ZNF385D: variants seen among roughly 807,000 people sequenced by gnomAD.
ZNF385D encodes the protein zinc finger protein 385D, also known as zinc finger protein 659.
ZNF385D carries 15 observed loss-of-function variants against 35.8 expected under a neutral mutation model. The ratio of observed to expected loss-of-function variants is 0.42; its 90% CI spans 0.28 to 0.64. The LOEUF is 0.64. Among genes scored for constraint, ZNF385D ranks in the 30% least tolerant of loss-of-function variants. ZNF385D has a pLI of 0.23. For synonymous variants in ZNF385D, 212 were observed against 186.8 expected, an observed-to-expected ratio of 1.13 and a Z score of -1.10; for missense variants, 474 against 494.6, an observed-to-expected ratio of 0.96 and a Z score of 0.39.
chr3:21,547,297 C>T (rs544161451), intron 3 of ZNF385D, among the ~76,000 whole-genome samples: 12 of 152,244 alleles, frequency 7.9e-5, no homozygotes, highest in African/African-American at 2.6e-4. Context: ...TTTAACCAGT[C>T]GGGCTTTTGG....
chr3:22,150,663 A>G (rs1705168239), intron 3 of ZNF385D, among the ~76,000 whole-genome samples: 1 of 152,208 alleles, frequency 6.6e-6, no homozygotes, highest in East Asian at 1.9e-4. Flanking sequence ...TAAGGATAGT[A>G]GTTAAGATAT....
chr3:21,988,067 C>G (rs1206846771), intron 3 of ZNF385D, among the ~76,000 whole-genome samples: 1 of 138,948 alleles, frequency 7.2e-6, no homozygotes, highest in Non-Finnish European at 1.6e-5. Context: ...GTTATACATT[C>G]TTCTAAATTT....
chr3:22,098,290 G>T (rs1340694040), intron 3 of ZNF385D, among the ~76,000 whole-genome samples: 1 of 151,978 alleles, frequency 6.6e-6, no homozygotes. Context: ...TGACTTTATT[G>T]CTCTGGGAAG....
chr3:21,827,668 T>C (rs546803385), intron 3 of ZNF385D, among the ~76,000 whole-genome samples: 1 of 152,318 alleles, frequency 6.6e-6, no homozygotes, highest in Admixed American at 6.5e-5. Flanking sequence ...GGAGTGCCTC[T>C]ATTTTGAAGC....
At chr3:21,694,399 T>C (rs1364304239) in intron 1 of ZNF385D, among the ~76,000 whole-genome samples, 1 of 152,080 alleles carries the variant, frequency 6.6e-6, no homozygotes, top group African/African-American at 2.4e-5. Context: ...CTCACAATTC[T>C]GGTACACACT....
intron 3 of ZNF385D, among the ~76,000 whole-genome samples, chr3:21,513,633 G>A (rs1414617408): frequency 3.9e-5 from 6 of 152,012 alleles, no homozygotes; most frequent in Non-Finnish European, 8.8e-5. Flanking sequence ...GGTTGCAGAC[G>A]ACATCAATAT....
intron 3 of ZNF385D, among the ~76,000 whole-genome samples, chr3:22,157,251 C>T (rs1190884642): frequency 6.6e-6 from 1 of 151,998 alleles, no homozygotes; most frequent in African/African-American, 2.4e-5. Flanking sequence ...ATGACTGTAT[C>T]TAAATCATAA....
chr3:21,992,603 T>C (rs1260307800), intron 3 of ZNF385D, among the ~76,000 whole-genome samples: 1 of 152,192 alleles, frequency 6.6e-6, no homozygotes, highest in Non-Finnish European at 1.5e-5. Context: ...TAGTTTGTGA[T>C]GAAGATATGA....
chr3:21,680,750 A>G (rs754219701), intron 1 of ZNF385D, among the ~76,000 whole-genome samples: 16 of 152,200 alleles, frequency 1.1e-4, no homozygotes, highest in Admixed American at 5.2e-4. Flanking sequence ...AAATCTTGAT[A>G]ACAACTGTTT....
At chr3:22,144,350 G>A (rs1704709259) in intron 3 of ZNF385D, among the ~76,000 whole-genome samples, 1 of 152,072 alleles carries the variant, frequency 6.6e-6, no homozygotes, top group Non-Finnish European at 1.5e-5. Flanking sequence ...AAGGGTGGCA[G>A]ATCACTTGAG....
rs191942718 is a variant in ZNF385D, at chr3:21,845,997, G to A, written c.326-180969C>T. 5.3e-5 allele frequency among the ~76,000 whole-genome samples: 8 copies of A among 151,962 alleles called. No individual in the cohort carries two copies. In the South Asian group the frequency reaches 6.2e-4, roughly 12 times the overall value. ...AAAGCATGCTCACCCTGAGACCTACGCTACACTTCTGAAGGCTGAGGAGCC... is the reference window on the plus strand; with the variant it reads ...AAAGCATGCTCACCCTGAGACCTACACTACACTTCTGAAGGCTGAGGAGCC... On this transcript the variant is annotated intron_variant, in intron 3 of 5. Coordinates refer to the ZNF385D transcript ENST00000494108.
At chr3:21,520,410 T>C (rs1707836157) in intron 3 of ZNF385D, among the ~76,000 whole-genome samples, 1 of 152,222 alleles carries the variant, frequency 6.6e-6, no homozygotes, top group Non-Finnish European at 1.5e-5. Flanking sequence ...CACATTTTGA[T>C]TTTAAAATGG....
chr3:21,577,383 C>A (rs2063524441), intron 2 of ZNF385D, among the ~76,000 whole-genome samples: 1 of 152,134 alleles, frequency 6.6e-6, no homozygotes, highest in African/African-American at 2.4e-5. Context: ...TGTATATATA[C>A]CACATTTTCT....
intron 2 of ZNF385D, among the ~76,000 whole-genome samples, chr3:21,589,777 A>C (rs2063915744): frequency 6.6e-6 from 1 of 152,186 alleles, no homozygotes; most frequent in Non-Finnish European, 1.5e-5. Flanking sequence ...AAAAAAATCA[A>C]AATTACTTTT....
chr3:22,177,106 A>G (rs1372338508), intron 2 of ZNF385D, among the ~76,000 whole-genome samples: 2 of 152,164 alleles, frequency 1.3e-5, no homozygotes, highest in African/African-American at 4.8e-5. Flanking sequence ...TTGGCAAAAC[A>G]TGATCCCCCT....
intron 3 of ZNF385D, among the ~76,000 whole-genome samples, chr3:22,024,553 A>T (rs1326925300): frequency 6.6e-6 from 1 of 152,136 alleles, no homozygotes; most frequent in Non-Finnish European, 1.5e-5. Flanking sequence ...TATTAATAGT[A>T]TGGAGAACTG....
intron 2 of ZNF385D, among the ~76,000 whole-genome samples, chr3:21,566,274 C>T (rs1320027428): frequency 6.6e-6 from 1 of 152,086 alleles, no homozygotes; most frequent in African/African-American, 2.4e-5. Flanking sequence ...AATCCTTGCC[C>T]AAATTCTGGA....
At chr3:22,226,942 T>C (rs1052451374) in intron 2 of ZNF385D, among the ~76,000 whole-genome samples, 8 of 152,192 alleles carry the variant, frequency 5.3e-5, no homozygotes, top group Non-Finnish European at 1.0e-4. Flanking sequence ...GACATATTTC[T>C]GCCTGCAAAT....
At chr3:21,774,630 A>G (rs1451608471) in intron 3 of ZNF385D, among the ~76,000 whole-genome samples, 1 of 151,794 alleles carries the variant, frequency 6.6e-6, no homozygotes, top group African/African-American at 2.4e-5. Context: ...AGGTGCAGAG[A>G]TAGAGAGAAG....
Sources: gnomAD v4.1 joint callset for allele counts (sites outside exome capture counted in the v4.1 genomes callset) on GRCh38, gnomAD v4.1.1 for gene constraint, MANE v1.5 for transcripts, NCBI Gene and HGNC (gene_info 2026-07-23, HGNC 2026-07-21) for gene names.